The following MYRIP variants were observed in gnomAD, a reference collection of about 807,000 sequenced individuals.
The protein encoded by MYRIP is myosin VIIA and Rab interacting protein, also known as rab effector MyRIP.
A neutral mutation model predicts 98.0 loss-of-function variants in MYRIP; 49 were observed. That is an observed-to-expected ratio of 0.50 (90% CI 0.40 to 0.63). The LOEUF (loss-of-function observed/expected upper bound fraction) is 0.63, where lower values mean the gene tolerates loss of function less well. Ranked by LOEUF, MYRIP falls within the 30% of genes least tolerant of loss-of-function variation. The pLI is 0.00. For synonymous variants in MYRIP, 404 were observed against 409.5 expected, an observed-to-expected ratio of 0.99 and a Z score of 0.16; for missense variants, 1,004 against 1,058.2, an observed-to-expected ratio of 0.95 and a Z score of 0.71.
chr3:40,045,522 G>A (rs1338796136), intron 3 of MYRIP, among the ~76,000 whole-genome samples: 1 of 152,200 alleles, frequency 6.6e-6, no homozygotes, highest in African/African-American at 2.4e-5. Flanking sequence ...GTGATCAACA[G>A]AGAGAGGTTC....
chr3:39,810,145 A>G (rs1239184673), intron 1 of MYRIP, among the ~76,000 whole-genome samples: 1 of 152,218 alleles, frequency 6.6e-6, no homozygotes, highest in East Asian at 1.9e-4. Flanking sequence ...TCGCGGAGCC[A>G]GAATCGCCTC....
chr3:39,975,964 A>G (rs978553915), intron 2 of MYRIP, among the ~76,000 whole-genome samples: 19 of 152,352 alleles, frequency 1.2e-4, no homozygotes, highest in East Asian at 9.6e-4. Context: ...AAACCTAGAC[A>G]ATACCATTCA....
At chr3:40,114,867 C>G (rs1466627081) in intron 3 of MYRIP, among the ~76,000 whole-genome samples, 1 of 152,066 alleles carries the variant, frequency 6.6e-6, no homozygotes, top group Non-Finnish European at 1.5e-5. Context: ...GACCTTTGAG[C>G]TAATCATTTA....
intron 3 of MYRIP, among the ~76,000 whole-genome samples, chr3:40,049,779 A>G (rs1383258205): frequency 6.6e-6 from 1 of 152,178 alleles, no homozygotes; most frequent in Non-Finnish European, 1.5e-5. Context: ...GCAAAGGAAA[A>G]GCTCTTGAAG....
chr3:40,010,240 G>C (rs1452658512), intron 2 of MYRIP, among the ~76,000 whole-genome samples: 1 of 152,224 alleles, frequency 6.6e-6, no homozygotes, highest in Admixed American at 6.5e-5. Context: ...AGACAGCAAG[G>C]CCAAGGAGAA....
chr3:39,889,488 A>T (rs1417319123), intron 1 of MYRIP, among the ~76,000 whole-genome samples: 1 of 152,128 alleles, frequency 6.6e-6, no homozygotes, highest in African/African-American at 2.4e-5. Flanking sequence ...ATGAGAACAC[A>T]TGGACACAGG....
intron 13 of MYRIP, among the ~76,000 whole-genome samples, chr3:40,245,650 C>CAA (rs1230060850): frequency 2.1e-4 from 13 of 62,746 alleles, no homozygotes; most frequent in Middle Eastern, 0.016. Context: ...ACTCCATCTC[C>CAA]AAAAAAAAAA....
At chr3:39,908,499 C>T (rs1337198928) in intron 2 of MYRIP, among the ~76,000 whole-genome samples, 2 of 152,094 alleles carry the variant, frequency 1.3e-5, no homozygotes, top group African/African-American at 2.4e-5. Flanking sequence ...GTTGGAGACC[C>T]ACTATGAGGA....
intron 2 of MYRIP, among the ~76,000 whole-genome samples, chr3:40,019,467 A>G (rs1575469161): frequency 6.6e-6 from 1 of 151,642 alleles, no homozygotes; most frequent in Admixed American, 6.6e-5. Context: ...ACTGCACCCC[A>G]CCTCCCTGAT....
intron 8 of MYRIP, among the ~76,000 whole-genome samples, chr3:40,172,869 C>T (rs1950647908): frequency 6.6e-6 from 1 of 152,198 alleles, no homozygotes; most frequent in Non-Finnish European, 1.5e-5. Context: ...CATCTTGGGG[C>T]TGTCTCATTC....
intron 2 of MYRIP, among the ~76,000 whole-genome samples, chr3:39,994,395 C>T (rs113829942): frequency 6.6e-5 from 10 of 152,336 alleles, no homozygotes; most frequent in African/African-American, 1.9e-4. Context: ...GATTATATCC[C>T]GTGCCTGGCT....
At chr3:39,991,477 A>C (rs1167670353) in intron 2 of MYRIP, among the ~76,000 whole-genome samples, 1 of 152,238 alleles carries the variant, frequency 6.6e-6, no homozygotes, top group Non-Finnish European at 1.5e-5. Flanking sequence ...TTCTTTCTCT[A>C]GGAATAGTTG....
intron 4 of MYRIP, among the ~76,000 whole-genome samples, chr3:40,157,451 A>G (rs1185084037): frequency 7.3e-5 from 11 of 150,214 alleles, no homozygotes; most frequent in African/African-American, 2.7e-4. Flanking sequence ...TTGGTCTAAA[A>G]TTCTCTTTTT....
At chr3:40,207,386 T>C (rs933052148) in intron 10 of MYRIP, among the ~76,000 whole-genome samples, 4 of 152,142 alleles carry the variant, frequency 2.6e-5, no homozygotes, top group Non-Finnish European at 5.9e-5. Flanking sequence ...GAATTCCCCT[T>C]TCTCAAACAT....
intron 3 of MYRIP, among the ~76,000 whole-genome samples, chr3:40,047,652 T>C (rs1384085328): frequency 6.6e-6 from 1 of 152,194 alleles, no homozygotes; most frequent in East Asian, 1.9e-4. Flanking sequence ...TATTTTTCTG[T>C]ATTGCTCAAT....
intron 2 of MYRIP, among the ~76,000 whole-genome samples, chr3:39,968,334 G>A (rs979197962): frequency 6.6e-6 from 1 of 151,772 alleles, no homozygotes; most frequent in Admixed American, 6.6e-5. Flanking sequence ...CACCATACCA[G>A]ACTAATTTTT....
chr3:39,943,661 A>G (rs774737054), intron 2 of MYRIP, among the ~76,000 whole-genome samples: 2 of 152,134 alleles, frequency 1.3e-5, no homozygotes, highest in African/African-American at 2.4e-5. Context: ...CCTATTTAAT[A>G]TTTAGGCACT....
intron 3 of MYRIP, among the ~76,000 whole-genome samples, chr3:40,133,185 A>C (rs1044652798): frequency 6.6e-6 from 1 of 152,256 alleles, no homozygotes; most frequent in African/African-American, 2.4e-5. Flanking sequence ...TGCTAAGAAA[A>C]TTCATGTCTA....
intron 11 of MYRIP, among the ~76,000 whole-genome samples, chr3:40,226,025 C>A (rs1004068302): frequency 6.6e-6 from 1 of 152,136 alleles, no homozygotes; most frequent in Admixed American, 6.5e-5. Context: ...GACTGGAGGG[C>A]CCCATACTGT....
Sources: gnomAD v4.1 joint callset for allele counts (sites outside exome capture counted in the v4.1 genomes callset) on GRCh38, gnomAD v4.1.1 for gene constraint, MANE v1.5 for transcripts, NCBI Gene and HGNC (gene_info 2026-07-23, HGNC 2026-07-21) for gene names.